The following TACC1 variants were observed in gnomAD, a reference collection of about 807,000 sequenced individuals.
TACC1 encodes transforming acidic coiled-coil containing protein 1, also known as transforming acidic coiled-coil-containing protein 1.
In TACC1, 48 loss-of-function variants were observed where a neutral mutation model predicts 84.4. That is an observed-to-expected ratio of 0.57 (90% confidence interval 0.45 to 0.72). The LOEUF is 0.72. Ranked by LOEUF, TACC1 falls within the 30% of genes least tolerant of loss-of-function variation. The pLI is 0.00. For synonymous variants in TACC1, 372 were observed against 376.3 expected, an observed-to-expected ratio of 0.99 and a Z score of 0.13; for missense variants, 920 against 973.0, an observed-to-expected ratio of 0.95 and a Z score of 0.72.
intron 6 of TACC1, among the ~76,000 whole-genome samples, chr8:38,835,253 CAAA>C (rs1185132174): frequency 5.3e-5 from 4 of 75,860 alleles, no homozygotes; most frequent in African/African-American, 9.2e-5. Context: ...GACCCCGTCT[CAAA>C]AAAAAAAAAA....
At chr8:38,839,235 A>G (rs1309207426) in intron 8 of TACC1, 8 of 384,416 alleles carry the variant, frequency 2.1e-5, no homozygotes, top group African/African-American at 1.2e-4. Context: ...TTCAAATTAC[A>G]TAACCACCAA....
chr8:38,820,172 G>C lies in TACC1; in HGVS notation c.928G>C (p.Gly310Arg), dbSNP rs767518100. 6 of 1,614,024 alleles carry C rather than the reference G, an allele frequency of 3.7e-6. No homozygotes were observed. Among genetic ancestry groups the C allele is most frequent in the African/African-American group, 1.3e-5 (1 of 74,908 alleles). Residue 310 changes from glycine to arginine, a missense_variant, in exon 3 of 13, where the codon GGG becomes CGG. Gly to Arg is a moderately radical substitution (Grantham distance 125, BLOSUM62 -2). Around this residue, in one of 2 missense-constraint regions of TACC1, gnomAD observed 762 missense variants for 747.3 expected, o/e 1.02. Transcript: ENST00000317827. ...SDTNDSGVEL[G>R]EESRSSPLKL... ...CACCAACGACTCAGGGGTTGAGCTGGGGGAGGAGTCGAGGAGCTCACCTCT... is the reference window on the plus strand; with the variant it reads ...CACCAACGACTCAGGGGTTGAGCTGCGGGAGGAGTCGAGGAGCTCACCTCT...
intron 1 of TACC1, among the ~76,000 whole-genome samples, chr8:38,735,733 G>A (rs375091063): frequency 1.3e-5 from 2 of 152,150 alleles, no homozygotes; most frequent in South Asian, 2.1e-4. Flanking sequence ...CTTTGTAAAT[G>A]GTCCCTTTAT....
At chr8:38,769,460 G>GGT (rs1246134171) in intron 3 of TACC1, among the ~76,000 whole-genome samples, 2 of 143,846 alleles carry the variant, frequency 1.4e-5, no homozygotes, top group South Asian at 2.3e-4. Flanking sequence ...GACTGTGTGT[G>GGT]GTGTGTGTGT....
chr8:38,793,048 T>C (rs895030190), intron 2 of TACC1, among the ~76,000 whole-genome samples: 3 of 152,194 alleles, frequency 2.0e-5, no homozygotes, highest in Non-Finnish European at 4.4e-5. Flanking sequence ...CACACCTTTA[T>C]CTACAGATTG....
At chr8:38,786,225 A>T (rs531533050), upstream of TACC1, among the ~76,000 whole-genome samples, 27 of 152,300 alleles carry the variant, frequency 1.8e-4, no homozygotes, top group Middle Eastern at 3.4e-3. Flanking sequence ...CACTTGGAAG[A>T]AGGTGCTTTG....
intron 2 of TACC1, among the ~76,000 whole-genome samples, chr8:38,806,195 C>T (rs1399954901): frequency 6.6e-6 from 1 of 151,990 alleles, no homozygotes; most frequent in African/African-American, 2.4e-5. Context: ...AGCATGGCCC[C>T]GGGGGTCTGT....
At chr8:38,777,960 G>A (rs1815159492) in intron 3 of TACC1, among the ~76,000 whole-genome samples, 1 of 152,208 alleles carries the variant, frequency 6.6e-6, no homozygotes, top group Admixed American at 6.5e-5. Flanking sequence ...TCTTTTGCTA[G>A]AAGAAATAAG....
Position 38,787,440 on chromosome 8 carries a change from A to G in TACC1, c.-143A>G. 1 of 1,356,102 alleles carries G rather than the reference A, an allele frequency of 7.4e-7. No individual in the cohort carries two copies. The highest frequency in any genetic ancestry group is 9.4e-7 in the Non-Finnish European group (1 of 1,060,254). 84.0% of individuals were successfully genotyped at this position (1,356,102 alleles called of 1,614,324 possible). ...AGGAAGCGCTCCACCAGGGCCCCCG[A>G]CGGCACTCGTTTAACCACATCCGCG... On this transcript the variant is annotated 5_prime_UTR_variant, in exon 1 of 13. Coordinates refer to ENST00000317827, the MANE Select transcript of TACC1 (RefSeq NM_006283.3).
chr8:38,750,374 A>G (rs1177467650), intron 3 of TACC1, among the ~76,000 whole-genome samples: 2 of 152,234 alleles, frequency 1.3e-5, no homozygotes, highest in Non-Finnish European at 2.9e-5. Flanking sequence ...ACAATGTGAA[A>G]AATCAATGCT....
chr8:38,815,907 G>A (rs1345769536), intron 2 of TACC1, among the ~76,000 whole-genome samples: 1 of 150,298 alleles, frequency 6.7e-6, no homozygotes, highest in African/African-American at 2.5e-5. Flanking sequence ...GCGGGAGGAT[G>A]ACTTGAGCCC....
rs139511063 is a variant in TACC1, at chr8:38,820,482, G to A, written c.1238G>A (p.Gly413Asp). Reference sequence around the variant, plus strand: ...AACTCCCCACCCCTCTCTTCTGAGGGCTCCTACCACTTTGACCCAGATAAC... The same window carrying A: ...AACTCCCCACCCCTCTCTTCTGAGGACTCCTACCACTTTGACCCAGATAAC... ...LQNSPPLSSE[G>D]SYHFDPDNFD... The change falls in exon 3 of 13, where the codon GGC (glycine) becomes GAC (aspartate). Residue 413 changes from glycine (G) to aspartate (D), a missense_variant. Transcript: ENST00000317827. The A allele has an allele frequency of 3.2e-4, 522 of 1,614,182 alleles. 6 individuals carry two copies. The African/African-American group carries it at 5.8e-3, about 18-fold the overall frequency.
chr8:38,776,629 A>T (rs575246612), intron 3 of TACC1, among the ~76,000 whole-genome samples: 115 of 152,306 alleles, frequency 7.6e-4, no homozygotes, highest in Middle Eastern at 3.4e-3. Context: ...CAAAGTTTTG[A>T]CTGTGTTTTG....
At chr8:38,824,047 T>C (rs1315116792) in intron 3 of TACC1, 1 of 1,351,816 alleles carries the variant, frequency 7.4e-7, no homozygotes, top group Non-Finnish European at 9.8e-7. Context: ...TGCTGTTTCT[T>C]TAGTCCCTGG....
chr8:38,808,499 A>G (rs1466675905), intron 2 of TACC1, among the ~76,000 whole-genome samples: 1 of 152,216 alleles, frequency 6.6e-6, no homozygotes, highest in Non-Finnish European at 1.5e-5. Flanking sequence ...CGCAGCCTCC[A>G]ACTTCTGGAC....
chr8:38,787,158 G>T (rs1460067617), upstream of TACC1: 1 of 984,312 alleles, frequency 1.0e-6, no homozygotes, highest in Non-Finnish European at 1.2e-6. Context: ...GCGCGCGCGA[G>T]TAGTACGGTC....
intron 3 of TACC1, among the ~76,000 whole-genome samples, chr8:38,774,214 C>T (rs1031708784): frequency 5.9e-5 from 9 of 152,220 alleles, no homozygotes; most frequent in Admixed American, 5.9e-4. Flanking sequence ...CTTGACATCT[C>T]CACCGATGCC....
chr8:38,814,500 G>A (rs939694763), intron 2 of TACC1, among the ~76,000 whole-genome samples: 3 of 152,190 alleles, frequency 2.0e-5, no homozygotes, highest in African/African-American at 7.2e-5. Flanking sequence ...GTAACATGCT[G>A]TTCAGGTTTG....
intron 3 of TACC1, among the ~76,000 whole-genome samples, chr8:38,770,664 C>T (rs939690974): frequency 6.6e-6 from 1 of 152,064 alleles, no homozygotes; most frequent in African/African-American, 2.4e-5. Context: ...GAATGACTGA[C>T]TTTAATTAAA....
Sources: allele counts gnomAD v4.1 joint callset (sites outside exome capture counted in the v4.1 genomes callset), GRCh38; gene constraint gnomAD v4.1.1; regional missense constraint gnomAD v4.1.1; transcripts MANE v1.5; gene names NCBI Gene and HGNC (gene_info 2026-07-23, HGNC 2026-07-21).